Variants in GK5 observed in about 807,000 individuals in gnomAD.
GK5 encodes the protein glycerol kinase 5.
Under a neutral mutation model 77.3 loss-of-function variants are expected in GK5, and 39 were observed. The observed-to-expected ratio is 0.50, with a 90% CI of 0.39 to 0.66. The LOEUF is 0.66. GK5 is among the 30% of genes least tolerant of loss of function. The pLI is 0.00. For synonymous variants in GK5, 211 were observed against 208.0 expected (o/e 1.01, Z -0.13); for missense variants, 487 against 633.8 (o/e 0.77, Z 2.49).
intron 1 of GK5, among the ~76,000 whole-genome samples, chr3:142,216,574 A>G (rs1047411816): frequency 4.6e-5 from 7 of 152,034 alleles, no homozygotes; most frequent in African/African-American, 1.7e-4. Flanking sequence ...AACCCCAGAC[A>G]TACCCAGCCG....
chr3:142,212,921 C>A (rs994186083), intron 3 of GK5, among the ~76,000 whole-genome samples: 19 of 146,804 alleles, frequency 1.3e-4, no homozygotes, highest in Non-Finnish European at 2.5e-4. Flanking sequence ...GCAGGCTCCG[C>A]CCCCTGGGGT....
intron 5 of GK5, among the ~76,000 whole-genome samples, chr3:142,192,875 C>T (rs183332002): frequency 3.3e-5 from 5 of 151,802 alleles, no homozygotes; most frequent in African/African-American, 1.2e-4. Flanking sequence ...CATGGAGAAA[C>T]CTTAAATGCA....
intron 3 of GK5, among the ~76,000 whole-genome samples, chr3:142,207,587 A>G (rs1044986902): frequency 1.3e-5 from 2 of 152,192 alleles, no homozygotes; most frequent in Non-Finnish European, 2.9e-5. Context: ...GAATTACTTC[A>G]TCCCCATGTG....
chr3:142,185,349 G>T, intron 9 of GK5: 1 of 396,848 alleles, frequency 2.5e-6, no homozygotes, highest in Non-Finnish European at 3.4e-6. Flanking sequence ...GGAAGCCGAG[G>T]CTGCAGTGAG....
intron 1 of GK5, among the ~76,000 whole-genome samples, chr3:142,218,377 C>CAAAAAAAAA (rs35885439): frequency 1.6e-5 from 2 of 126,074 alleles, no homozygotes; most frequent in Non-Finnish European, 1.6e-5. Context: ...TACTAAAATA[C>CAAAAAAAAA]AAAAAAAAAA....
At chr3:142,179,218 A>C (rs2063661941) in intron 11 of GK5, among the ~76,000 whole-genome samples, 1 of 152,232 alleles carries the variant, frequency 6.6e-6, no homozygotes. Flanking sequence ...AATTCACTAA[A>C]GACATTTAAG....
At chr3:142,195,841 A>G (rs2063925845) in intron 5 of GK5, among the ~76,000 whole-genome samples, 1 of 152,226 alleles carries the variant, frequency 6.6e-6, no homozygotes, top group African/African-American at 2.4e-5. Flanking sequence ...AAAGTCTCCA[A>G]CTATTACTAT....
intron 3 of GK5, among the ~76,000 whole-genome samples, chr3:142,206,160 T>C (rs1386572411): frequency 6.6e-6 from 1 of 152,224 alleles, no homozygotes; most frequent in Admixed American, 6.5e-5. Flanking sequence ...TATCAATTCA[T>C]CTGTTGGTAC....
At chr3:142,190,294 T>C (rs1046945521) in intron 5 of GK5, among the ~76,000 whole-genome samples, 1 of 151,994 alleles carries the variant, frequency 6.6e-6, no homozygotes, top group African/African-American at 2.4e-5. Context: ...AACTTAAAAA[T>C]GTACAAGAGG....
intron 3 of GK5, among the ~76,000 whole-genome samples, chr3:142,212,239 G>A (rs538539906): frequency 6.6e-6 from 1 of 152,150 alleles, no homozygotes; most frequent in Admixed American, 6.5e-5. Context: ...TTGGGGGAGG[G>A]AATGTGGGTG....
intron 5 of GK5, among the ~76,000 whole-genome samples, chr3:142,188,866 C>A (rs1006816270): frequency 6.6e-6 from 1 of 152,186 alleles, no homozygotes; most frequent in Admixed American, 6.5e-5. Flanking sequence ...CCAAGAGAAA[C>A]AGAAGTTGTC....
intron 3 of GK5, among the ~76,000 whole-genome samples, chr3:142,211,979 G>T (rs1253017009): frequency 6.6e-6 from 1 of 152,056 alleles, no homozygotes; most frequent in Non-Finnish European, 1.5e-5. Flanking sequence ...CATTCTCTAT[G>T]ATTTCTATCA....
intron 1 of GK5, among the ~76,000 whole-genome samples, chr3:142,219,252 C>A (rs1217650386): frequency 1.3e-5 from 2 of 152,154 alleles, no homozygotes; most frequent in Non-Finnish European, 2.9e-5. Flanking sequence ...TGGTTCAAAG[C>A]TTTTTAATAT....
chr3:142,183,210 C>T (rs1405770450), intron 9 of GK5, 161 bp from the exon 10 acceptor site: 3 of 601,374 alleles, frequency 5.0e-6, no homozygotes, highest in South Asian at 2.3e-5. Context: ...TAGGGAGCAA[C>T]AACCATAGGA....
At chr3:142,189,696 T>A (rs1038335513) in intron 5 of GK5, among the ~76,000 whole-genome samples, 1 of 152,164 alleles carries the variant, frequency 6.6e-6, no homozygotes, top group Non-Finnish European at 1.5e-5. Context: ...CCCCCTCACG[T>A]TGGCTAAGGA....
At chr3:142,196,253 A>T (rs1429452709) in intron 5 of GK5, among the ~76,000 whole-genome samples, 1 of 151,980 alleles carries the variant, frequency 6.6e-6, no homozygotes, top group Non-Finnish European at 1.5e-5. Flanking sequence ...CTTTTCAAAG[A>T]AGCAACTTTC....
At chr3:142,208,202 G>C (rs2064138682) in intron 3 of GK5, among the ~76,000 whole-genome samples, 1 of 152,000 alleles carries the variant, frequency 6.6e-6, no homozygotes, top group Non-Finnish European at 1.5e-5. Flanking sequence ...TAAATTTAGG[G>C]TAATTTTTCT....
chr3:142,199,605 C>T (rs2063987717), intron 4 of GK5, among the ~76,000 whole-genome samples: 1 of 151,840 alleles, frequency 6.6e-6, no homozygotes, highest in Non-Finnish European at 1.5e-5. Flanking sequence ...CAGAAATTTC[C>T]CTATACATTA....
At chr3:142,223,223 A>G (rs2064378683) in intron 1 of GK5, among the ~76,000 whole-genome samples, 2 of 152,170 alleles carry the variant, frequency 1.3e-5, no homozygotes. Context: ...GAAACTTTGC[A>G]TTTTCTAGTA....
Sources: allele counts gnomAD v4.1 joint callset (sites outside exome capture counted in the v4.1 genomes callset), GRCh38; gene constraint gnomAD v4.1.1; transcripts MANE v1.5; gene names NCBI Gene and HGNC (gene_info 2026-07-23, HGNC 2026-07-21).